Variants in UGT1A7 observed in about 807,000 individuals in gnomAD.
UGT1A7 encodes UDP glucuronosyltransferase family 1 member A7.
A neutral mutation model predicts 45.6 loss-of-function variants in UGT1A7; 33 were observed. The ratio of observed to expected loss-of-function variants is 0.72; its 90% CI spans 0.55 to 0.97. The LOEUF (loss-of-function observed/expected upper bound fraction) is 0.97, where lower values mean the gene tolerates loss of function less well. UGT1A7 is among the 50% of genes least tolerant of loss of function. UGT1A7 has a pLI of 0.00. For synonymous variants in UGT1A7, 274 were observed against 250.6 expected (o/e 1.09, Z -0.88); for missense variants, 684 against 666.2 (o/e 1.03, Z -0.29).
chr2:233,703,244 G>T (rs893110663), intron 1 of UGT1A7, among the ~76,000 whole-genome samples: 31 of 152,172 alleles, frequency 2.0e-4, no homozygotes, highest in African/African-American at 7.2e-4. Context: ...AAATGGCCCA[G>T]AGTGTTCCCT....
At chr2:233,700,527 C>T (rs1399866515) in intron 1 of UGT1A7, among the ~76,000 whole-genome samples, 1 of 152,026 alleles carries the variant, frequency 6.6e-6, no homozygotes, top group Non-Finnish European at 1.5e-5. Context: ...ATTTAGATAA[C>T]TCTAGGAGAA....
At chr2:233,708,644 G>C (rs970833084) in intron 1 of UGT1A7, 1 of 152,176 alleles carries the variant, frequency 6.6e-6, no homozygotes, top group Non-Finnish European at 1.5e-5. Flanking sequence ...CTAACTACTC[G>C]GAAGGCTGAG....
Position 233,682,587 on chromosome 2 carries a change from A to G in UGT1A7, c.650A>G (p.His217Arg). Residue 217 changes from histidine (H) to arginine (R), a missense_variant, in exon 1 of 5, where the codon CAT becomes CGT. Transcript: ENST00000373426. ...VWNHIMHLEE[H>R]LFCPYFFKNV... ...AACCACATCATGCACTTGGAGGAAC[A>G]TTTATTTTGCCCCTATTTTTTCAAA... The G allele has an allele frequency of 6.2e-7, 1 of 1,613,884 alleles. No individual in the cohort carries two copies. Among genetic ancestry groups the G allele is most frequent in the Non-Finnish European group, 8.5e-7 (1 of 1,179,818 alleles).
At chr2:233,737,836 G>A (rs1690606098) in intron 1 of UGT1A7, among the ~76,000 whole-genome samples, 1 of 151,904 alleles carries the variant, frequency 6.6e-6, no homozygotes, top group African/African-American at 2.4e-5. Flanking sequence ...TGGGAACTGT[G>A]GCACAGGTCA....
At chr2:233,754,937 G>A in intron 1 of UGT1A7, 1 of 1,338,066 alleles carries the variant, frequency 7.5e-7, no homozygotes, top group Non-Finnish European at 1.0e-6. Flanking sequence ...AGAGGTCAAA[G>A]GAGAATGGGT....
chr2:233,762,045 A>G (rs187851388), intron 1 of UGT1A7, among the ~76,000 whole-genome samples: 1 of 151,958 alleles, frequency 6.6e-6, no homozygotes, highest in African/African-American at 2.4e-5. Flanking sequence ...TTTTCTGTGC[A>G]TTTTCCTTCA....
At chr2:233,750,930 T>C (rs542704180) in intron 1 of UGT1A7, among the ~76,000 whole-genome samples, 12 of 151,872 alleles carry the variant, frequency 7.9e-5, no homozygotes, top group Non-Finnish European at 1.5e-4. Context: ...AAATGTGAGG[T>C]TGGAGCCCCC....
chr2:233,736,376 CT>C (rs2078756074), intron 1 of UGT1A7, among the ~76,000 whole-genome samples: 1 of 152,200 alleles, frequency 6.6e-6, no homozygotes, highest in Non-Finnish European at 1.5e-5. Context: ...CATTTAAGGT[CT>C]TCTCTACAGT....
chr2:233,734,462 A>G (rs990660022), intron 1 of UGT1A7, among the ~76,000 whole-genome samples: 2 of 145,254 alleles, frequency 1.4e-5, no homozygotes, highest in African/African-American at 5.4e-5. Context: ...TTCAAAATCC[A>G]TCTCCTGGAT....
At chr2:233,761,014 A>G (rs756396505) in intron 1 of UGT1A7, 2 of 1,614,180 alleles carry the variant, frequency 1.2e-6, no homozygotes, top group South Asian at 1.1e-5. Flanking sequence ...GAGAGAGGTG[A>G]CTGTCCAGGA....
intron 1 of UGT1A7, among the ~76,000 whole-genome samples, chr2:233,757,266 G>A (rs1402827144): frequency 1.5e-5 from 2 of 132,588 alleles, no homozygotes; most frequent in African/African-American, 5.6e-5. Context: ...GGTGGCAGCC[G>A]ATGCAATGAT....
intron 1 of UGT1A7, chr2:233,718,949 C>T: frequency 1.9e-6 from 3 of 1,614,166 alleles, no homozygotes; most frequent in Non-Finnish European, 2.5e-6. Context: ...CCTGGCTCAG[C>T]ATGCGGGAGG....
intron 3 of UGT1A7, 72 bp downstream of exon 3, chr2:233,768,008 C>A (rs1699546066): frequency 1.9e-6 from 3 of 1,613,978 alleles, no homozygotes; most frequent in Admixed American, 1.7e-5. Context: ...CACAGCTATT[C>A]TAAAGGATTG....
At chr2:233,709,022 A>C (rs1052835676) in intron 1 of UGT1A7, among the ~76,000 whole-genome samples, 4 of 152,110 alleles carry the variant, frequency 2.6e-5, no homozygotes, top group Non-Finnish European at 5.9e-5. Flanking sequence ...CCCAAGCAGC[A>C]GGGGCTTCAG....
At chr2:233,730,096 A>G in intron 1 of UGT1A7, 1 of 1,590,372 alleles carries the variant, frequency 6.3e-7, no homozygotes, top group Non-Finnish European at 8.6e-7. Flanking sequence ...CTTTCCAAAT[A>G]TTTCATTTCT....
intron 1 of UGT1A7, chr2:233,729,534 C>T (rs1281653425): frequency 6.2e-7 from 1 of 1,614,090 alleles, no homozygotes; most frequent in Non-Finnish European, 8.5e-7. Context: ...ATAATGAGGC[C>T]CTGATCAGGC....
In UGT1A7 at chr2:233,725,047, C is replaced by T. The variant is rs528406821; in HGVS notation, c.856-41987C>T. ...CCGGTCTCCACCAAAACCAGTCAGG[C>T]GTGGCGGCGCGCGCCTGCAATCGCA... On this transcript the variant is annotated intron_variant, in intron 1 of 4. Transcript: ENST00000373426. 6.6e-4 allele frequency among the ~76,000 whole-genome samples: 97 copies of T among 147,932 alleles called. 5 individuals carry two copies. The highest frequency in any genetic ancestry group is 9.2e-4 in the South Asian group (4 of 4,340).
chr2:233,705,831 G>A (rs979530051), intron 1 of UGT1A7, among the ~76,000 whole-genome samples: 2 of 152,180 alleles, frequency 1.3e-5, no homozygotes, highest in Non-Finnish European at 2.9e-5. Context: ...CGAGCACAGT[G>A]GCTGGAGCTG....
intron 1 of UGT1A7, chr2:233,692,952 G>A (rs1328782904): frequency 6.2e-7 from 1 of 1,605,070 alleles, no homozygotes; most frequent in African/African-American, 1.3e-5. Context: ...GGAGCCCTGT[G>A]ATTTGGAGAG....
Sources: allele counts gnomAD v4.1 joint callset (sites outside exome capture counted in the v4.1 genomes callset), GRCh38; gene constraint gnomAD v4.1.1; transcripts MANE v1.5; gene names NCBI Gene and HGNC (gene_info 2026-07-23, HGNC 2026-07-21).